Variants in MCF2L2 observed in about 807,000 individuals in gnomAD.
MCF2L2 encodes MCF.2 cell line derived transforming sequence-like 2.
MCF2L2 carries 102 observed loss-of-function variants against 150.2 expected under a neutral mutation model. The ratio of observed to expected loss-of-function variants is 0.68; its 90% CI spans 0.58 to 0.80. The LOEUF (loss-of-function observed/expected upper bound fraction) is 0.80. MCF2L2 is among the 30% of genes least tolerant of loss of function. The probability of loss-of-function intolerance (pLI) is 0.00; values close to 1 mark genes in which losing one functional copy is unlikely to be tolerated. For missense variants in MCF2L2, 1,256 were observed against 1,372.8 expected (o/e 0.91, Z 1.34); for synonymous variants, 465 against 491.3 (o/e 0.95, Z 0.71).
At position 183,317,850 on chromosome 3, in the gene MCF2L2, C is replaced by T. The variant is rs112827668; in HGVS notation, c.753+218G>A. The stretch of plus-strand genomic sequence containing the variant: ...ACCCAGTCTCAAAAGACTCACTCAC[C>T]ACCCAGTCTCAAGAGACTCACTCAC... On this transcript the variant is annotated intron_variant, in intron 7 of 29. Transcript: ENST00000328913. Among the ~76,000 whole-genome samples, 592 of 152,180 alleles carry T rather than the reference C, an allele frequency of 3.9e-3. 3 individuals are homozygous for T. Among genetic ancestry groups the T allele is most frequent in the Non-Finnish European group, 4.5e-3 (309 of 67,968 alleles).
Position 183,219,591 on chromosome 3 carries a change from A to ATGGAG in MCF2L2, c.2370+260_2370+264dup, listed in dbSNP as rs200491751. Among the ~76,000 whole-genome samples the ATGGAG allele has an allele frequency of 7.0e-3, 1,040 of 148,128 alleles. 5 individuals carry two copies. The highest frequency in any genetic ancestry group is 0.025 in the African/African-American group (1,000 of 40,598). On this transcript the variant is annotated intron_variant, in intron 21 of 29. Transcript: ENST00000328913. ...GCACCATTGCACTCCAGCCTGTGCA[A>ATGGAG]TGGAGTGAGACTTTGTCTAAAAAAA...
intron 3 of MCF2L2, among the ~76,000 whole-genome samples, chr3:183,357,635 C>G (rs944002366): frequency 6.6e-6 from 1 of 152,134 alleles, no homozygotes; most frequent in African/African-American, 2.4e-5. Context: ...GACTGTCCGG[C>G]CCTGTTCAGC....
At chr3:183,257,507 C>T (rs907540925) in intron 15 of MCF2L2, among the ~76,000 whole-genome samples, 14 of 152,046 alleles carry the variant, frequency 9.2e-5, no homozygotes, top group African/African-American at 2.9e-4. Context: ...CAGGGCTGCC[C>T]GCTGTAATGC....
rs1051904507 is a variant in MCF2L2 at position 183,220,664 on chromosome 3, C to T, written c.2302-740G>A. Among the ~76,000 whole-genome samples, 4 of 152,162 alleles carry T rather than the reference C, an allele frequency of 2.6e-5. No homozygotes were observed. In the South Asian group the frequency reaches 8.3e-4, roughly 32 times the overall value. On this transcript the variant is annotated intron_variant, in intron 20 of 29. Coordinates refer to ENST00000328913, the MANE Select transcript of MCF2L2 (RefSeq NM_015078.4). ...TGTATAGGAAAGCCTGTCTCACCAGCCCCTAGCCTACAAGGGGTAGTACCA... is the reference window on the plus strand; with the variant it reads ...TGTATAGGAAAGCCTGTCTCACCAGTCCCTAGCCTACAAGGGGTAGTACCA...
intron 27 of MCF2L2, 69 bp from the exon 28 acceptor site, chr3:183,180,228 G>A (rs1019072337): frequency 2.0e-6 from 2 of 1,010,530 alleles, no homozygotes; most frequent in Non-Finnish European, 3.1e-6. Context: ...CCATGGCAGG[G>A]TGTAGCAGGC....
chr3:183,231,684 G>T (rs1235168176), intron 15 of MCF2L2, among the ~76,000 whole-genome samples: 1 of 151,232 alleles, frequency 6.6e-6, no homozygotes, highest in Admixed American at 6.6e-5. Context: ...GTCTCAAACT[G>T]CTACTTTCAA....
chr3:183,274,090 C>T (rs1727013192), intron 15 of MCF2L2, among the ~76,000 whole-genome samples: 1 of 151,990 alleles, frequency 6.6e-6, no homozygotes, highest in Non-Finnish European at 1.5e-5. Flanking sequence ...TGGCACACAC[C>T]AGTAATCCCA....
intron 21 of MCF2L2, among the ~76,000 whole-genome samples, 196 bp from the exon 22 acceptor site, chr3:183,216,290 C>A (rs750642325): frequency 6.6e-6 from 1 of 151,160 alleles, no homozygotes; most frequent in African/African-American, 2.4e-5. Context: ...TAGAGACAAG[C>A]AAAATCATCT....
At chr3:183,218,347 A>T (rs1468634738) in intron 21 of MCF2L2, among the ~76,000 whole-genome samples, 2 of 152,198 alleles carry the variant, frequency 1.3e-5, no homozygotes, top group African/African-American at 4.8e-5. Context: ...AGGGATTAAG[A>T]GTTCTTGGCA....
intron 3 of MCF2L2, among the ~76,000 whole-genome samples, chr3:183,359,315 A>G (rs974379671): frequency 3.3e-5 from 5 of 152,212 alleles, no homozygotes; most frequent in Non-Finnish European, 5.9e-5. Flanking sequence ...TTACCAGTCC[A>G]TTACTATACT....
chr3:183,244,564 G>A (rs1724169632), intron 15 of MCF2L2, among the ~76,000 whole-genome samples: 1 of 152,060 alleles, frequency 6.6e-6, no homozygotes, highest in South Asian at 2.1e-4. Flanking sequence ...AATGCCGTGG[G>A]GTTAAGCCAA....
chr3:183,275,744 A>G (rs7652052), intron 15 of MCF2L2, among the ~76,000 whole-genome samples: 3,921 of 152,178 alleles, frequency 0.026, 176 homozygotes, highest in African/African-American at 0.087. Flanking sequence ...CTCCTGAGTA[A>G]CTGAGACTAC....
Position 183,403,719 on chromosome 3 carries a change from C to T in MCF2L2, c.77-13940G>A, listed in dbSNP as rs140484387. Among the ~76,000 whole-genome samples the T allele has an allele frequency of 1.2e-4, 19 of 152,194 alleles. No homozygotes were observed. In the East Asian group the frequency reaches 2.7e-3, roughly 22 times the overall value. On this transcript the variant is annotated intron_variant, in intron 1 of 29. Transcript: ENST00000328913. ...CAGGATCTGACTCCTGAAGCTTCTACGGAAATATATGACCAGATAAGACAG... is the reference window on the plus strand; with the variant it reads ...CAGGATCTGACTCCTGAAGCTTCTATGGAAATATATGACCAGATAAGACAG...
chr3:183,218,620 C>A (rs151139359), intron 21 of MCF2L2, among the ~76,000 whole-genome samples: 3,464 of 152,058 alleles, frequency 0.023, 58 homozygotes, highest in Middle Eastern at 0.051. Context: ...GGTGACAGAG[C>A]GAGACTCTGT....
Position 183,207,817 on chromosome 3 carries a change from T to C in MCF2L2, c.2503A>G (p.Ile835Val), listed in dbSNP as rs373775474. The C allele has an allele frequency of 1.9e-6, 3 of 1,613,106 alleles. No homozygotes were observed. Among genetic ancestry groups the C allele is most frequent in the African/African-American group, 2.7e-5 (2 of 74,918 alleles). ...LAAVTECPDD[I>V]GKLGKLLLHG... Reference sequence around the variant, plus strand: ...AGCAACAGCTTGCCTAGTTTTCCAATATCGTCCTTTTGGAAACACACATAC... The same window carrying C: ...AGCAACAGCTTGCCTAGTTTTCCAACATCGTCCTTTTGGAAACACACATAC... Residue 835 changes from isoleucine to valine, a missense_variant, in exon 23 of 30, where the codon ATT becomes GTT. By Grantham distance (29) the Ile-to-Val change is conservative. Coordinates refer to ENST00000328913, the MANE Select transcript of MCF2L2 (RefSeq NM_015078.4).
At chr3:183,352,665 A>C (rs1238321969) in intron 3 of MCF2L2, among the ~76,000 whole-genome samples, 1 of 152,220 alleles carries the variant, frequency 6.6e-6, no homozygotes, top group East Asian at 1.9e-4. Flanking sequence ...GAGGGACATC[A>C]GTAGCTCTTG....
intron 15 of MCF2L2, among the ~76,000 whole-genome samples, chr3:183,276,136 A>G (rs1366659641): frequency 6.6e-6 from 1 of 152,256 alleles, no homozygotes; most frequent in African/African-American, 2.4e-5. Context: ...CTCCAGGAAC[A>G]TGGCAATCAG....
chr3:183,315,825 G>T (rs763404363), intron 7 of MCF2L2, among the ~76,000 whole-genome samples: 2 of 152,144 alleles, frequency 1.3e-5, no homozygotes, highest in Non-Finnish European at 2.9e-5. Context: ...GACCTGACTG[G>T]CTGGTTTTCA....
intron 15 of MCF2L2, chr3:183,269,884 T>C: frequency 1.9e-6 from 3 of 1,614,110 alleles, no homozygotes; most frequent in Non-Finnish European, 2.5e-6. Flanking sequence ...GCGAGCCTCA[T>C]GTTTTTTTGG....
Sources: allele counts gnomAD v4.1 joint callset (sites outside exome capture counted in the v4.1 genomes callset), GRCh38; gene constraint gnomAD v4.1.1; transcripts MANE v1.5; gene names NCBI Gene and HGNC (gene_info 2026-07-23, HGNC 2026-07-21).